Variants in KLHL25 observed in about 807,000 individuals in gnomAD.
The protein encoded by KLHL25 is kelch like family member 25.
KLHL25 carries 41 observed loss-of-function variants against 30.0 expected under a neutral mutation model. The ratio of observed to expected loss-of-function variants is 1.37; its 90% CI spans 1.07 to 1.78. The LOEUF is 1.78. KLHL25 is among the 40% of genes most tolerant of loss of function. KLHL25 has a pLI of 0.00. For synonymous variants in KLHL25, 399 were observed against 355.3 expected (o/e 1.12, Z -1.38); for missense variants, 971 against 824.5 (o/e 1.18, Z -2.18).
chr15:85,770,940 T>A (rs1274895327), intron 1 of KLHL25: 3 of 238,180 alleles, frequency 1.3e-5, no homozygotes, highest in African/African-American at 7.0e-5. Flanking sequence ...GTTCAGTACT[T>A]TGAACTCAAG....
chr15:85,762,440 TCTCA>T (rs1457561420), intron 2 of KLHL25: 1 of 6,772 alleles, frequency 1.5e-4, no homozygotes, highest in Non-Finnish European at 7.4e-4. Flanking sequence ...CTGTGTTCCC[TCTCA>T]GGCTGGGTCC....
rs566037681 is a variant in KLHL25 at position 85,774,859 on chromosome 15, G to A, written c.-10-5039C>T. ...ATGAAAACCCCTCCCCACTCCCGCAGTGCGATTCTTTTTTTCTTTTCTTTT... is the reference window on the plus strand; with the variant it reads ...ATGAAAACCCCTCCCCACTCCCGCAATGCGATTCTTTTTTTCTTTTCTTTT... On this transcript the variant is annotated intron_variant, in intron 1 of 2. Coordinates refer to ENST00000337975, the MANE Select transcript of KLHL25 (RefSeq NM_022480.4). 4.0e-5 allele frequency among the ~76,000 whole-genome samples: 6 copies of A among 150,404 alleles called. No individual in the cohort carries two copies. The South Asian group carries it at 1.3e-3, about 32-fold the overall frequency.
chr15:85,775,396 T>A (rs2089703135), intron 1 of KLHL25, among the ~76,000 whole-genome samples: 1 of 152,048 alleles, frequency 6.6e-6, no homozygotes, highest in African/African-American at 2.4e-5. Context: ...TGCACAGTGA[T>A]TCACGGCCAC....
At chr15:85,793,122 TTC>T (rs1490902417) in intron 1 of KLHL25, among the ~76,000 whole-genome samples, 1 of 150,986 alleles carries the variant, frequency 6.6e-6, no homozygotes, top group African/African-American at 2.4e-5. Flanking sequence ...TGGGTAATTG[TTC>T]TCTTTTCTTC....
At chr15:85,765,428 C>A (rs1340481724) in intron 2 of KLHL25, among the ~76,000 whole-genome samples, 1 of 151,900 alleles carries the variant, frequency 6.6e-6, no homozygotes, top group Non-Finnish European at 1.5e-5. Flanking sequence ...GAGTTTGAGA[C>A]CAGCCTGGCC....
In KLHL25 at chr15:85,768,457, T is replaced by A; in HGVS notation, c.1354A>T (p.Thr452Ser). 6.2e-7 allele frequency: 1 copy of A among 1,613,488 alleles called. No homozygotes were observed. ...AKLKLFVFGG[T>S]SIHRDMVSKV... ...GACACCATGTCCCGGTGGATGCTGGTTCCTCCGAAAACAAAGAGCTTCAGC... is the reference window on the plus strand; with the variant it reads ...GACACCATGTCCCGGTGGATGCTGGATCCTCCGAAAACAAAGAGCTTCAGC... Residue 452 changes from threonine to serine, a missense_variant, in exon 2 of 3, where the codon ACC (threonine) becomes TCC (serine). Transcript: ENST00000337975.
Position 85,794,862 on chromosome 15 carries a change from C to G in KLHL25, c.-107G>C, listed in dbSNP as rs1275296258. 6.6e-6 allele frequency: 1 copy of G among 152,380 alleles called. No homozygotes were observed. The highest frequency in any genetic ancestry group is 2.0e-4 in the South Asian group (1 of 4,904). The allele number at this position is 152,380 out of a possible 1,614,324, so 9.4% of individuals were successfully genotyped here. A position where few individuals can be genotyped will look rare whatever the true frequency, so the allele number is the denominator to read the frequency against. On this transcript the variant is annotated 5_prime_UTR_variant, in exon 1 of 3. Coordinates refer to ENST00000337975, the MANE Select transcript of KLHL25 (RefSeq NM_022480.4). ...CTCCGCCGCGGCTCCCGTCGGCCGG[C>G]TCTCCACAGGCAAAAACGCTCTCGC...
chr15:85,790,419 C>A (rs1449740769), intron 1 of KLHL25, among the ~76,000 whole-genome samples: 2 of 152,312 alleles, frequency 1.3e-5, no homozygotes, highest in East Asian at 3.9e-4. Flanking sequence ...CCCCTCTGTA[C>A]TCTACTGGCT....
chr15:85,790,825 G>C (rs961121197), intron 1 of KLHL25, among the ~76,000 whole-genome samples: 7 of 151,662 alleles, frequency 4.6e-5, no homozygotes, highest in Non-Finnish European at 1.0e-4. Flanking sequence ...GTATGACCAG[G>C]AAGATTTTTA....
intron 1 of KLHL25, among the ~76,000 whole-genome samples, chr15:85,791,478 G>C (rs1377807749): frequency 6.6e-6 from 1 of 152,192 alleles, no homozygotes; most frequent in African/African-American, 2.4e-5. Flanking sequence ...CTGGGCGACA[G>C]AGCGAGACTC....
chr15:85,783,790 T>C (rs1052360589), intron 1 of KLHL25, among the ~76,000 whole-genome samples: 8 of 152,090 alleles, frequency 5.3e-5, no homozygotes, highest in Non-Finnish European at 7.4e-5. Context: ...ACAAAGCGAA[T>C]TGCAGATACC....
At chr15:85,792,412 C>G (rs1241205286) in intron 1 of KLHL25, among the ~76,000 whole-genome samples, 1 of 152,222 alleles carries the variant, frequency 6.6e-6, no homozygotes, top group African/African-American at 2.4e-5. Flanking sequence ...TGTCTGGCCA[C>G]TCTGTTTTCT....
chr15:85,771,562 C>T (rs1448883539), intron 1 of KLHL25, among the ~76,000 whole-genome samples: 1 of 152,224 alleles, frequency 6.6e-6, no homozygotes, highest in Admixed American at 6.5e-5. Flanking sequence ...TAGCAAGGTC[C>T]CTGCTTTTGG....
chr15:85,780,940 A>C (rs930927667), intron 1 of KLHL25, among the ~76,000 whole-genome samples: 40 of 152,294 alleles, frequency 2.6e-4, no homozygotes, highest in African/African-American at 9.4e-4. Flanking sequence ...TGGTTACAAA[A>C]GGAGGGGCTG....
chr15:85,771,528 G>T (rs749688128), intron 1 of KLHL25, among the ~76,000 whole-genome samples: 2 of 152,248 alleles, frequency 1.3e-5, no homozygotes, highest in African/African-American at 2.4e-5. Context: ...AGGCAGAGAA[G>T]CCACAAACTG....
chr15:85,768,562 A>G lies in KLHL25; in HGVS notation c.1249T>C (p.Tyr417His), dbSNP rs750982137. Residue 417 changes from tyrosine (Y) to histidine (H), a missense_variant, in exon 2 of 3, where the codon TAC (tyrosine) becomes CAC (histidine). Coordinates refer to ENST00000337975, the MANE Select transcript of KLHL25 (RefSeq NM_022480.4). ...PSVSLKQVEK[Y>H]DPGANKWMMV... ...ATCCACTTGTTGGCCCCAGGGTCGT[A>G]TTTCTCCACTTGTTTCAGGGAGACA... The G allele has an allele frequency of 1.2e-6, 2 of 1,613,168 alleles. No homozygotes were observed. The highest frequency in any genetic ancestry group is 2.2e-5 in the South Asian group (2 of 91,038).
intron 1 of KLHL25, among the ~76,000 whole-genome samples, chr15:85,771,541 G>A (rs557765339): frequency 3.9e-5 from 6 of 152,326 alleles, no homozygotes; most frequent in South Asian, 4.1e-4. Flanking sequence ...ACAAACTGAC[G>A]AGATTAGAGC....
rs2089815223 is a variant in KLHL25, at chr15:85,791,306, G to A, written c.-11+3460C>T. On this transcript the variant is annotated intron_variant, in intron 1 of 2. Coordinates refer to ENST00000337975, the MANE Select transcript of KLHL25 (RefSeq NM_022480.4). ...AGATCAGGAGTTCAAGACCAGCCTGGACAACATGGAGAAACCCCGTCTCTA... is the reference window on the plus strand; with the variant it reads ...AGATCAGGAGTTCAAGACCAGCCTGAACAACATGGAGAAACCCCGTCTCTA... 2.0e-5 allele frequency among the ~76,000 whole-genome samples: 3 copies of A among 151,674 alleles called. No homozygotes were observed. In the South Asian group the frequency reaches 6.3e-4, roughly 32 times the overall value.
intron 1 of KLHL25, among the ~76,000 whole-genome samples, chr15:85,787,712 T>C (rs1259330064): frequency 1.3e-5 from 2 of 152,118 alleles, no homozygotes; most frequent in Non-Finnish European, 2.9e-5. Context: ...ATGACGACGC[T>C]GTGAAAAAGA....
Sources: allele counts gnomAD v4.1 joint callset (sites outside exome capture counted in the v4.1 genomes callset), GRCh38; gene constraint gnomAD v4.1.1; transcripts MANE v1.5; gene names NCBI Gene and HGNC (gene_info 2026-07-23, HGNC 2026-07-21).